The following ATG4D variants were observed in gnomAD, a reference collection of about 807,000 sequenced individuals.
The protein encoded by ATG4D is cysteine protease ATG4D.
Under a neutral mutation model 55.2 loss-of-function variants are expected in ATG4D, and 51 were observed. The observed-to-expected ratio is 0.92, with a 90% CI of 0.74 to 1.17. The LOEUF (loss-of-function observed/expected upper bound fraction) is 1.17, where lower values mean the gene tolerates loss of function less well. ATG4D is among the 50% of genes most tolerant of loss of function. ATG4D has a pLI of 0.00. For missense variants in ATG4D, 635 were observed against 649.6 expected (o/e 0.98, Z 0.25); for synonymous variants, 268 against 266.2 (o/e 1.01, Z -0.07).
rs1915943553 is a variant in ATG4D, at chr19:10,543,983, G to A, written c.-108G>A. On this transcript the variant is annotated 5_prime_UTR_variant, in exon 1 of 10. Transcript: ENST00000309469. ...CTGGCCCGGTACCCTGGGGACGGGG[G>A]CCGAGTAGCGCCTTCCCCGGGCCCC... The A allele has an allele frequency of 5.8e-6, 4 of 688,360 alleles. No homozygotes were observed. The highest frequency in any genetic ancestry group is 1.9e-5 in the African/African-American group (1 of 53,686). 42.6% of individuals were successfully genotyped at this position (688,360 alleles called of 1,614,324 possible). A position where few individuals can be genotyped will look rare whatever the true frequency, so the allele number is the denominator to read the frequency against.
Sources: gnomAD v4.1 joint callset for allele counts on GRCh38, gnomAD v4.1.1 for gene constraint, MANE v1.5 for transcripts, NCBI Gene and HGNC (gene_info 2026-07-23, HGNC 2026-07-21) for gene names.